CENPP: variants seen among roughly 807,000 people sequenced by gnomAD.
CENPP encodes the protein centromere protein P.
A neutral mutation model predicts 35.6 loss-of-function variants in CENPP; 24 were observed. The observed-to-expected ratio is 0.67, with a 90% CI of 0.49 to 0.95. The LOEUF (loss-of-function observed/expected upper bound fraction) is 0.95. Among genes scored for constraint, CENPP ranks in the 40% least tolerant of loss-of-function variants. The pLI, the probability that CENPP is intolerant of heterozygous loss-of-function variation, is 0.00. For synonymous variants in CENPP, 120 were observed against 125.5 expected, an observed-to-expected ratio of 0.96 and a Z score of 0.29; for missense variants, 332 against 345.3, an observed-to-expected ratio of 0.96 and a Z score of 0.31.
chr9:92,330,688 G>T (rs964624937), intron 1 of CENPP, among the ~76,000 whole-genome samples: 120 of 120,918 alleles, frequency 9.9e-4, no homozygotes, highest in Middle Eastern at 4.1e-3. Flanking sequence ...TCTTTTCTTT[G>T]TTTTTTTTTT....
intron 5 of CENPP, among the ~76,000 whole-genome samples, chr9:92,457,777 G>C (rs576636353): frequency 3.5e-4 from 53 of 152,202 alleles, no homozygotes; most frequent in Middle Eastern, 3.4e-3. Flanking sequence ...TAGATAGATA[G>C]ATACATACAT....
chr9:92,472,732 G>T (rs1282564326), intron 5 of CENPP, among the ~76,000 whole-genome samples: 1 of 152,094 alleles, frequency 6.6e-6, no homozygotes, highest in Non-Finnish European at 1.5e-5. Context: ...AAGAAGAAGG[G>T]GGGTAACTTG....
intron 5 of CENPP, among the ~76,000 whole-genome samples, chr9:92,466,030 A>G (rs900202498): frequency 1.3e-5 from 2 of 152,026 alleles, no homozygotes; most frequent in Non-Finnish European, 2.9e-5. Context: ...ACAGGGTTTT[A>G]CTATGTTGGC....
chr9:92,459,865 G>A, intron 5 of CENPP: 1 of 1,043,082 alleles, frequency 9.6e-7, no homozygotes, highest in Non-Finnish European at 1.4e-6. Context: ...ATATAAGCCT[G>A]TCCTATTTAT....
chr9:92,401,002 C>G (rs940491764), intron 5 of CENPP: 2 of 662,884 alleles, frequency 3.0e-6, no homozygotes, highest in Non-Finnish European at 5.3e-6. Context: ...TTTACTGTAT[C>G]TTGAGTCAGT....
chr9:92,571,520 T>G (rs1444770469), intron 5 of CENPP, among the ~76,000 whole-genome samples: 1 of 152,220 alleles, frequency 6.6e-6, no homozygotes, highest in African/African-American at 2.4e-5. Flanking sequence ...AATTTTGGAG[T>G]AAGTGCAATT....
In CENPP at chr9:92,619,553, G is replaced by A. The variant is rs906092670; in HGVS notation, c.*6404G>A. ...CAGTCCTTGGCAGTCATGGCGACGCGGTACTGCTGCACCTGCAGGGGCGGG... is the reference window on the plus strand; with the variant it reads ...CAGTCCTTGGCAGTCATGGCGACGCAGTACTGCTGCACCTGCAGGGGCGGG... On this transcript the variant is annotated 3_prime_UTR_variant, in exon 8 of 8. Coordinates refer to ENST00000375587, the MANE Select transcript of CENPP (RefSeq NM_001012267.3). 3.8e-6 allele frequency: 6 copies of A among 1,584,824 alleles called. No homozygotes were observed. In the Admixed American group the frequency reaches 5.5e-5, roughly 14 times the overall value.
intron 5 of CENPP, among the ~76,000 whole-genome samples, chr9:92,575,044 C>T (rs1335423134): frequency 6.6e-6 from 1 of 152,114 alleles, no homozygotes; most frequent in Non-Finnish European, 1.5e-5. Flanking sequence ...TTAGCTAACA[C>T]CATATACAAA....
intron 1 of CENPP, 60 bp from the exon 2 acceptor site, chr9:92,332,110 G>T: frequency 8.9e-7 from 1 of 1,129,286 alleles, no homozygotes; most frequent in Non-Finnish European, 1.2e-6. Context: ...GGAAAATGGG[G>T]TTATTAGATG....
chr9:92,554,571 T>C (rs1849680656), intron 5 of CENPP, among the ~76,000 whole-genome samples: 1 of 152,218 alleles, frequency 6.6e-6, no homozygotes, highest in African/African-American at 2.4e-5. Context: ...GAAACCCACT[T>C]GATCATGGTG....
At chr9:92,439,698 C>T (rs1225423529) in intron 5 of CENPP, among the ~76,000 whole-genome samples, 2 of 152,124 alleles carry the variant, frequency 1.3e-5, no homozygotes, top group African/African-American at 2.4e-5. Context: ...TATATCTAGT[C>T]CTCTTTCTCA....
intron 5 of CENPP, among the ~76,000 whole-genome samples, chr9:92,482,964 G>C (rs1022163438): frequency 1.2e-4 from 18 of 151,230 alleles, no homozygotes; most frequent in Non-Finnish European, 2.1e-4. Flanking sequence ...GGAAACTATG[G>C]ATGAGGCTCC....
chr9:92,596,440 T>C (rs1004328543), intron 5 of CENPP, among the ~76,000 whole-genome samples: 1 of 81,282 alleles, frequency 1.2e-5, no homozygotes, highest in Non-Finnish European at 2.2e-5. Context: ...AGTAAGACCC[T>C]GTGTCAAAAA....
At chr9:92,466,510 T>G (rs1367783474) in intron 5 of CENPP, 2 of 1,613,986 alleles carry the variant, frequency 1.2e-6, no homozygotes, top group Non-Finnish European at 1.7e-6. Flanking sequence ...TCGCAACTTC[T>G]TTGTGGTTAG....
intron 3 of CENPP, among the ~76,000 whole-genome samples, chr9:92,342,393 T>C (rs1309294145): frequency 6.6e-6 from 1 of 152,258 alleles, no homozygotes; most frequent in Non-Finnish European, 1.5e-5. Flanking sequence ...ACTGTAGATA[T>C]CTTCTTTGAA....
intron 5 of CENPP, among the ~76,000 whole-genome samples, chr9:92,567,515 A>G (rs1186854943): frequency 6.6e-6 from 1 of 151,430 alleles, no homozygotes; most frequent in Admixed American, 6.6e-5. Context: ...AACTAAATAT[A>G]TTAACTATAA....
chr9:92,340,767 G>A (rs928412898), intron 3 of CENPP, among the ~76,000 whole-genome samples: 3 of 152,000 alleles, frequency 2.0e-5, no homozygotes, highest in Admixed American at 2.0e-4. Context: ...TCAGCTGAGG[G>A]GATGTATATC....
chr9:92,619,479 G>C lies in CENPP; in HGVS notation c.*6330G>C. On this transcript the variant is annotated 3_prime_UTR_variant, in exon 8 of 8. Transcript: ENST00000375587. ...CCAGGCTGCATGCCTTGCAGTGGGG[G>C]CCTCACCTGGCATCCTGCAGACAGG... The C allele has an allele frequency of 3.8e-6, 6 of 1,579,502 alleles. No individual in the cohort carries two copies. Among genetic ancestry groups the C allele is most frequent in the African/African-American group, 1.3e-5 (1 of 74,734 alleles).
chr9:92,506,860 G>A (rs554226182), intron 5 of CENPP, among the ~76,000 whole-genome samples: 2 of 152,262 alleles, frequency 1.3e-5, no homozygotes, highest in East Asian at 1.9e-4. Context: ...GAAGGTTGGT[G>A]CTCAGAGAGA....
Sources: gnomAD v4.1 joint callset for allele counts (sites outside exome capture counted in the v4.1 genomes callset) on GRCh38, gnomAD v4.1.1 for gene constraint, MANE v1.5 for transcripts, NCBI Gene and HGNC (gene_info 2026-07-23, HGNC 2026-07-21) for gene names.